THSD7B: variants seen among roughly 807,000 people sequenced by gnomAD.
The protein encoded by THSD7B is thrombospondin type 1 domain containing 7B, also known as thrombospondin type-1 domain-containing protein 7B.
Under a neutral mutation model 213.6 loss-of-function variants are expected in THSD7B, and 138 were observed. The observed-to-expected ratio is 0.65, with a 90% CI of 0.56 to 0.74. The LOEUF is 0.74. THSD7B is among the 30% of genes least tolerant of loss of function. The pLI is 0.00. For synonymous variants in THSD7B, 742 were observed against 687.0 expected, an observed-to-expected ratio of 1.08 and a Z score of -1.25; for missense variants, 1,931 against 1,991.5, an observed-to-expected ratio of 0.97 and a Z score of 0.58.
At chr2:136,883,871 TCTC>T (rs1338389142) in intron 2 of THSD7B, among the ~76,000 whole-genome samples, 1 of 152,150 alleles carries the variant, frequency 6.6e-6, no homozygotes, top group Non-Finnish European at 1.5e-5. Context: ...TACTGTCACT[TCTC>T]CTGGTATTCA....
intron 15 of THSD7B, among the ~76,000 whole-genome samples, chr2:137,475,382 T>C (rs888516531): frequency 2.6e-5 from 4 of 152,140 alleles, no homozygotes; most frequent in Non-Finnish European, 5.9e-5. Context: ...ATACAATATG[T>C]TGTTAACTAT....
At chr2:136,998,835 G>T (rs1044116457) in intron 2 of THSD7B, among the ~76,000 whole-genome samples, 2 of 150,876 alleles carry the variant, frequency 1.3e-5, no homozygotes, top group Admixed American at 1.3e-4. Flanking sequence ...AAACATACTT[G>T]GTGATGGGGG....
At chr2:136,896,943 C>CAT (rs897522918) in intron 2 of THSD7B, among the ~76,000 whole-genome samples, 468 of 138,534 alleles carry the variant, frequency 3.4e-3, no homozygotes, top group African/African-American at 0.011. Flanking sequence ...TACATATATA[C>CAT]ATATATATAT....
intron 21 of THSD7B, among the ~76,000 whole-genome samples, chr2:137,644,526 C>T (rs774669352): frequency 3.3e-5 from 5 of 152,092 alleles, no homozygotes; most frequent in Non-Finnish European, 7.4e-5. Flanking sequence ...ATGACAATAT[C>T]TAAGTTGAGT....
intron 5 of THSD7B, among the ~76,000 whole-genome samples, chr2:137,157,460 C>T (rs994080308): frequency 6.6e-6 from 1 of 152,170 alleles, no homozygotes; most frequent in African/African-American, 2.4e-5. Context: ...TTTTGGCTGG[C>T]TTCCCCCTTA....
Position 137,393,657 on chromosome 2 carries a change from C to G in THSD7B, c.2501-11956C>G, listed in dbSNP as rs561810865. Among the ~76,000 whole-genome samples the G allele has an allele frequency of 2.5e-4, 35 of 142,212 alleles. 1 individual carries two copies. Among genetic ancestry groups the G allele is most frequent in the East Asian group, 2.2e-3 (11 of 5,018 alleles). The allele number at this position is 142,212 out of a possible 152,430, so 93.3% of individuals were successfully genotyped here. ...TGTCTTTATAGCAGCATGATTTATACTCCTTTGGGTATATACCCAGTAATG... is the reference window on the plus strand; with the variant it reads ...TGTCTTTATAGCAGCATGATTTATAGTCCTTTGGGTATATACCCAGTAATG... On this transcript the variant is annotated intron_variant, in intron 12 of 27. Coordinates refer to ENST00000409968, the MANE Select transcript of THSD7B (RefSeq NM_001316349.2).
intron 17 of THSD7B, among the ~76,000 whole-genome samples, chr2:137,597,455 C>CA (rs139548698): frequency 1.0e-4 from 14 of 136,978 alleles, no homozygotes; most frequent in South Asian, 5.2e-4. Flanking sequence ...AAAACAAAAC[C>CA]AAAAAAAAAC....
intron 12 of THSD7B, among the ~76,000 whole-genome samples, chr2:137,367,764 C>G (rs1314643360): frequency 6.6e-6 from 1 of 152,124 alleles, no homozygotes. Context: ...TGGACACCTT[C>G]TTGATATGTG....
chr2:137,213,768 A>G (rs2105036762), intron 7 of THSD7B, among the ~76,000 whole-genome samples: 1 of 152,132 alleles, frequency 6.6e-6, no homozygotes, highest in Non-Finnish European at 1.5e-5. Flanking sequence ...AATTATTCCC[A>G]TCCTTGTTTA....
intron 1 of THSD7B, among the ~76,000 whole-genome samples, chr2:136,783,969 T>C (rs1484782952): frequency 6.6e-6 from 1 of 152,206 alleles, no homozygotes; most frequent in Non-Finnish European, 1.5e-5. Flanking sequence ...TACTGGTGAA[T>C]GGATTATTTA....
chr2:136,999,662 A>G (rs1685965261), intron 2 of THSD7B, among the ~76,000 whole-genome samples: 2 of 152,174 alleles, frequency 1.3e-5, no homozygotes, highest in South Asian at 4.1e-4. Flanking sequence ...ACAAGCTGCT[A>G]TGAATCTGCA....
intron 12 of THSD7B, among the ~76,000 whole-genome samples, chr2:137,404,361 G>T (rs1188856312): frequency 6.8e-6 from 1 of 146,654 alleles, no homozygotes; most frequent in Admixed American, 6.9e-5. Flanking sequence ...AGCAGCACAA[G>T]TCACAATAGG....
At chr2:137,620,399 G>T (rs1682496382) in intron 19 of THSD7B, among the ~76,000 whole-genome samples, 1 of 152,104 alleles carries the variant, frequency 6.6e-6, no homozygotes, top group Non-Finnish European at 1.5e-5. Flanking sequence ...TTTATAAAAA[G>T]AAATTTTGGC....
intron 1 of THSD7B, among the ~76,000 whole-genome samples, chr2:136,774,308 A>G (rs1283993482): frequency 1.1e-4 from 17 of 152,076 alleles, no homozygotes; most frequent in East Asian, 3.9e-4. Context: ...TGGAGATGAC[A>G]TGCAGCCCAC....
intron 7 of THSD7B, among the ~76,000 whole-genome samples, chr2:137,203,948 A>G (rs1325034305): frequency 6.6e-6 from 1 of 152,128 alleles, no homozygotes; most frequent in African/African-American, 2.4e-5. Flanking sequence ...AGATAAGAGT[A>G]CACAGACCAC....
chr2:137,006,003 G>C (rs1240264425), intron 2 of THSD7B, among the ~76,000 whole-genome samples: 1 of 152,060 alleles, frequency 6.6e-6, no homozygotes, highest in African/African-American at 2.4e-5. Flanking sequence ...TAATGACAAG[G>C]CTGAATGGAA....
At chr2:137,064,999 G>T (rs1179648789) in intron 3 of THSD7B, among the ~76,000 whole-genome samples, 1 of 151,182 alleles carries the variant, frequency 6.6e-6, no homozygotes, top group African/African-American at 2.4e-5. Flanking sequence ...GCCTATTCTG[G>T]GTCTTTTATG....
chr2:137,483,256 G>A (rs1173708834), intron 15 of THSD7B, among the ~76,000 whole-genome samples: 1 of 152,200 alleles, frequency 6.6e-6, no homozygotes, highest in Non-Finnish European at 1.5e-5. Context: ...TGTGAGGAAG[G>A]TACTACTATC....
At chr2:137,576,124 G>T (rs1464704154) in intron 17 of THSD7B, among the ~76,000 whole-genome samples, 3 of 152,040 alleles carry the variant, frequency 2.0e-5, no homozygotes, top group Non-Finnish European at 2.9e-5. Flanking sequence ...ATATTGGGTT[G>T]CCTTCATTTA....
Sources: allele counts gnomAD v4.1 joint callset (sites outside exome capture counted in the v4.1 genomes callset), GRCh38; gene constraint gnomAD v4.1.1; transcripts MANE v1.5; gene names NCBI Gene and HGNC (gene_info 2026-07-23, HGNC 2026-07-21).